The following DOCK10 variants were observed in gnomAD, a reference collection of about 807,000 sequenced individuals.
The protein encoded by DOCK10 is dedicator of cytokinesis 10, also known as dedicator of cytokinesis protein 10.
DOCK10 carries 145 observed loss-of-function variants against 280.1 expected under a neutral mutation model. The observed-to-expected ratio is 0.52, with a 90% CI of 0.45 to 0.59. DOCK10 has a LOEUF of 0.59. DOCK10 is among the 20% of genes least tolerant of loss of function. The pLI, the probability that DOCK10 is intolerant of heterozygous loss-of-function variation, is 0.00. For missense variants in DOCK10, 2,368 were observed against 2,651.7 expected (o/e 0.89, Z 2.35); for synonymous variants, 915 against 942.2 (o/e 0.97, Z 0.53).
intron 27 of DOCK10, among the ~76,000 whole-genome samples, chr2:224,828,863 A>C (rs1014507722): frequency 1.3e-5 from 2 of 152,216 alleles, no homozygotes; most frequent in Non-Finnish European, 2.9e-5. Flanking sequence ...GTGGTACATC[A>C]TATTAACAAA....
At chr2:224,837,104 T>C (rs1459329375) in intron 25 of DOCK10, among the ~76,000 whole-genome samples, 1 of 152,242 alleles carries the variant, frequency 6.6e-6, no homozygotes, top group Non-Finnish European at 1.5e-5. Context: ...ATGGGTTCTT[T>C]CTTTTCATTC....
At chr2:224,837,034 A>G (rs1369769579) in intron 25 of DOCK10, among the ~76,000 whole-genome samples, 2 of 152,226 alleles carry the variant, frequency 1.3e-5, no homozygotes, top group East Asian at 3.8e-4. Context: ...GAAAAAAAAT[A>G]AGAGATTTAG....
intron 1 of DOCK10, among the ~76,000 whole-genome samples, chr2:225,031,857 G>C (rs913687708): frequency 6.6e-6 from 1 of 152,162 alleles, no homozygotes; most frequent in African/African-American, 2.4e-5. Context: ...GCTCGATAAG[G>C]TCAGAAGAAC....
At chr2:224,780,294 T>G (rs751456043) in intron 50 of DOCK10, among the ~76,000 whole-genome samples, 20 of 152,154 alleles carry the variant, frequency 1.3e-4, no homozygotes, top group Non-Finnish European at 2.6e-4. Flanking sequence ...GCTATGTTTT[T>G]TTTCTGTTGC....
chr2:224,798,242 C>G (rs1020991195), intron 41 of DOCK10, among the ~76,000 whole-genome samples: 39 of 152,116 alleles, frequency 2.6e-4, no homozygotes, highest in African/African-American at 8.9e-4. Context: ...GCAAAGACCT[C>G]TCTAATGGAA....
chr2:224,778,641 A>T (rs1465689839), intron 50 of DOCK10, among the ~76,000 whole-genome samples: 2 of 152,120 alleles, frequency 1.3e-5, no homozygotes, highest in African/African-American at 2.4e-5. Flanking sequence ...ATATGGAGCA[A>T]TTTTTGGCAG....
intron 1 of DOCK10, among the ~76,000 whole-genome samples, chr2:224,974,795 A>C (rs1375095216): frequency 7.4e-6 from 1 of 135,488 alleles, no homozygotes; most frequent in Non-Finnish European, 1.6e-5. Context: ...TTCTCTCTAT[A>C]TATATCATAT....
At chr2:225,010,414 A>T (rs1689399978) in intron 1 of DOCK10, 1 of 152,514 alleles carries the variant, frequency 6.6e-6, no homozygotes, top group Middle Eastern at 1.7e-3. Context: ...ACAGAATCTT[A>T]TATTGTCCCC....
At chr2:224,977,915 T>A (rs1705529213) in intron 1 of DOCK10, among the ~76,000 whole-genome samples, 1 of 152,232 alleles carries the variant, frequency 6.6e-6, no homozygotes, top group Admixed American at 6.5e-5. Context: ...AAGTTTTGAA[T>A]GCCAAAGCCT....
chr2:224,863,645 G>A (rs986438470), intron 13 of DOCK10, among the ~76,000 whole-genome samples: 1 of 151,976 alleles, frequency 6.6e-6, no homozygotes, highest in Non-Finnish European at 1.5e-5. Flanking sequence ...GTAGAGACGG[G>A]GTTTCACCAT....
intron 3 of DOCK10, among the ~76,000 whole-genome samples, chr2:224,911,161 A>AAGAC: frequency 6.6e-6 from 1 of 152,280 alleles, no homozygotes; most frequent in Admixed American, 6.5e-5. Context: ...TTAGAGAAGT[A>AAGAC]AGACGCTGAG....
intron 50 of DOCK10, chr2:224,784,701 C>G: frequency 7.8e-7 from 1 of 1,289,326 alleles, no homozygotes; most frequent in Non-Finnish European, 1.0e-6. Context: ...GGTGTTAGAG[C>G]ATGCAAATGG....
rs1690331202 is a variant in DOCK10 at position 224,770,156 on chromosome 2, G to C, written c.6444+55C>G. 1.4e-6 allele frequency: 2 copies of C among 1,438,934 alleles called. No individual in the cohort carries two copies. Among genetic ancestry groups the C allele is most frequent in the African/African-American group, 1.4e-5 (1 of 70,010 alleles). 89.1% of individuals were successfully genotyped at this position (1,438,934 alleles called of 1,614,324 possible). A position where few individuals can be genotyped will look rare whatever the true frequency, so the allele number is the denominator to read the frequency against. ...CTCTTTCCTGTCCTTCTGGCATTGG[G>C]AGCGAAAGGGACTTTCTGTCCACTG... On this transcript the variant is annotated intron_variant, in intron 55 of 55. Transcript: ENST00000258390. The surrounding 1 kb of genome is among the most constrained non-coding windows in gnomAD (Gnocchi z 4.5).
At chr2:224,899,495 A>G (rs1433273849) in intron 3 of DOCK10, among the ~76,000 whole-genome samples, 1 of 152,188 alleles carries the variant, frequency 6.6e-6, no homozygotes, top group Non-Finnish European at 1.5e-5. Flanking sequence ...AACTAAGTAA[A>G]TTGTGTTATA....
intron 3 of DOCK10, among the ~76,000 whole-genome samples, chr2:224,909,342 G>T (rs1298054556): frequency 1.3e-5 from 2 of 152,144 alleles, no homozygotes; most frequent in Non-Finnish European, 2.9e-5. Context: ...AGCAGATTCA[G>T]ATAAAGACAA....
Position 224,773,267 on chromosome 2 carries a change from C to A in DOCK10, c.6094G>T (p.Ala2032Ser). Residue 2032 changes from alanine to serine, a missense_variant, in exon 53 of 56, where the codon GCA becomes TCA. Physicochemically the swap from Ala to Ser is moderately conservative, Grantham distance 99. Transcript: ENST00000258390. ...ACCTTCTTGGACATCTCGTCAATTG[C>A]CACTTCAATTGGATTCAGTTCTGTG... Reference protein sequence around the residue: ...SSTELNPIEVAIDEMSKKVSE... With the variant: ...SSTELNPIEVSIDEMSKKVSE... 2 of 1,613,940 alleles carry A rather than the reference C, an allele frequency of 1.2e-6. No homozygotes were observed. Among genetic ancestry groups the A allele is most frequent in the Non-Finnish European group, 1.7e-6 (2 of 1,179,862 alleles).
rs1483012932 is a variant in DOCK10, at chr2:225,042,309, G to A, written c.66C>T (p.Leu22=). The change falls in exon 1 of 56, where the codon CTC becomes CTT. Residue 22 remains leucine, a synonymous_variant. Coordinates refer to ENST00000258390, the MANE Select transcript of DOCK10 (RefSeq NM_014689.3). This position sits in a 1 kb window ranked among gnomAD's most constrained non-coding sequence, Gnocchi z 5.1. Reference sequence around the variant, plus strand: ...CGGCGGCGGACGCGGCGCTGTGCCGGAGCTCGGCCGCCTGCCCAGGTCTCA... The same window carrying A: ...CGGCGGCGGACGCGGCGCTGTGCCGAAGCTCGGCCGCCTGCCCAGGTCTCA... The part of the protein sequence containing the change: ...SLLRPGQAAE[L]RHSAASAAAV... The A allele has an allele frequency of 2.2e-6, 3 of 1,356,098 alleles. No individual in the cohort carries two copies. The South Asian group carries it at 5.4e-5, about 24-fold the overall frequency. The allele number at this position is 1,356,098 out of a possible 1,614,324, so 84.0% of individuals were successfully genotyped here.
chr2:224,778,262 CCTT>C lies in DOCK10; in HGVS notation c.5675_5677del (p.Glu1892del), dbSNP rs774253031. The stretch of plus-strand genomic sequence containing the variant: ...AGGCTCTTTATAAATATACTCTTTA[CCTT>C]CTTCTTCTTCAAAAAAGCCCTATGG... On this transcript the variant is annotated inframe_deletion, in exon 51 of 56. Coordinates refer to ENST00000258390, the MANE Select transcript of DOCK10 (RefSeq NM_014689.3). 3 of 1,604,578 alleles carry C rather than the reference CCTT, an allele frequency of 1.9e-6. No homozygotes were observed. Among genetic ancestry groups the C allele is most frequent in the Admixed American group, 3.4e-5 (2 of 58,524 alleles).
In DOCK10 at chr2:224,886,888, A is replaced by AC. The variant is rs200245451; in HGVS notation, c.417-358dup. On this transcript the variant is annotated intron_variant, in intron 4 of 55. Transcript: ENST00000258390. ...TCATGCTGCATGCAGCACCCCCAAC[A>AC]CCCCCCCAAGTAGTACCTGGGATTA... is the stretch of plus-strand genomic sequence containing the variant. Among the ~76,000 whole-genome samples the AC allele has an allele frequency of 5.6e-5, 8 of 142,568 alleles. 1 individual carries two copies. Among genetic ancestry groups the AC allele is most frequent in the East Asian group, 2.0e-4 (1 of 4,998 alleles). 93.5% of individuals were successfully genotyped at this position (142,568 alleles called of 152,430 possible).
Sources: allele counts gnomAD v4.1 joint callset (sites outside exome capture counted in the v4.1 genomes callset), GRCh38; gene constraint gnomAD v4.1.1; non-coding constraint Gnocchi (gnomAD v3.1); transcripts MANE v1.5; gene names NCBI Gene and HGNC (gene_info 2026-07-23, HGNC 2026-07-21).